The following TPTE variants were observed in gnomAD, a reference collection of about 807,000 sequenced individuals.
TPTE encodes the protein transmembrane phosphatase with tensin homology.
A neutral mutation model predicts 84.1 loss-of-function variants in TPTE; 59 were observed. The ratio of observed to expected loss-of-function variants is 0.70; its 90% CI spans 0.57 to 0.87. TPTE has a LOEUF of 0.87. TPTE is among the 40% of genes least tolerant of loss of function. The pLI is 0.00. For missense variants in TPTE, 382 were observed against 659.6 expected, an observed-to-expected ratio of 0.58 and a Z score of 4.61; for synonymous variants, 130 against 223.5, an observed-to-expected ratio of 0.58 and a Z score of 3.73.
At chr21:10,527,742 G>A (rs1307601604) in intron 3 of TPTE, among the ~76,000 whole-genome samples, 4 of 152,308 alleles carry the variant, frequency 2.6e-5, no homozygotes, top group Non-Finnish European at 4.4e-5. Context: ...AAGGAGCTAA[G>A]AGACCCTGTA....
rs1051069178 is a variant in TPTE at position 10,557,332 on chromosome 21, CTT to C, written c.234-2156_234-2155del. 7.2e-5 allele frequency among the ~76,000 whole-genome samples: 11 copies of C among 152,402 alleles called. No individual in the cohort carries two copies. In the East Asian group the frequency reaches 2.1e-3, roughly 29 times the overall value. On this transcript the variant is annotated intron_variant, in intron 8 of 23. Coordinates refer to ENST00000618007, the MANE Select transcript of TPTE (RefSeq NM_199261.4). ...CTTGAAGCTTCATTTACATAGTACT[CTT>C]TTTTTAAGCAAAAAAGTCTCAATTG...
intron 1 of TPTE, 143 bp downstream of exon 1, chr21:10,521,837 G>T (rs1210400321): frequency 1.3e-5 from 2 of 152,484 alleles, no homozygotes; most frequent in East Asian, 1.9e-4. Context: ...CGTGTCTTTT[G>T]GGGGGCCGGG....
intron 23 of TPTE, 140 bp downstream of exon 23, chr21:10,603,772 C>G: frequency 9.3e-7 from 1 of 1,074,928 alleles, no homozygotes. Context: ...TGTTCCTTGC[C>G]TTACTCTTCT....
At chr21:10,534,964 A>G (rs2074242119) in intron 3 of TPTE, among the ~76,000 whole-genome samples, 1 of 152,308 alleles carries the variant, frequency 6.6e-6, no homozygotes, top group Non-Finnish European at 1.5e-5. Flanking sequence ...CAAGTGGCTT[A>G]AACAAAAATT....
chr21:10,560,182 T>C (rs1356844937), intron 9 of TPTE, among the ~76,000 whole-genome samples: 1 of 152,298 alleles, frequency 6.6e-6, no homozygotes, highest in African/African-American at 2.4e-5. Flanking sequence ...AAATCAAATG[T>C]TAAAATTCTA....
At chr21:10,585,796 C>T (rs931835990) in intron 17 of TPTE, among the ~76,000 whole-genome samples, 2 of 152,304 alleles carry the variant, frequency 1.3e-5, no homozygotes, top group African/African-American at 2.4e-5. Context: ...AATTTTATTT[C>T]TTTTGCCCAT....
intron 7 of TPTE, among the ~76,000 whole-genome samples, chr21:10,545,648 A>G (rs1346505644): frequency 2.0e-5 from 3 of 152,256 alleles, no homozygotes; most frequent in Admixed American, 6.5e-5. Context: ...ACACACACAC[A>G]CACATATAAC....
In TPTE at chr21:10,560,297, A is replaced by G. The variant is rs12627640; in HGVS notation, c.285-733A>G. ...CTTCTCTACATAAGAGTAAGATTTC[A>G]TACTATGATATAGATTTATACGATA... On this transcript the variant is annotated intron_variant, in intron 9 of 23. Coordinates refer to ENST00000618007, the MANE Select transcript of TPTE (RefSeq NM_199261.4). 6.9e-3 allele frequency among the ~76,000 whole-genome samples: 1,052 copies of G among 152,006 alleles called. No individual in the cohort carries two copies. In the East Asian group the frequency reaches 0.088, roughly 13 times the overall value.
At chr21:10,592,962 C>A (rs1314846177) in intron 19 of TPTE, among the ~76,000 whole-genome samples, 1 of 152,258 alleles carries the variant, frequency 6.6e-6, no homozygotes, top group Non-Finnish European at 1.5e-5. Flanking sequence ...ACCCATAACA[C>A]CTGTATGAAA....
chr21:10,603,520 T>C (rs751301155), intron 22 of TPTE, 42 bp from the exon 23 acceptor site: 16 of 1,563,718 alleles, frequency 1.0e-5, no homozygotes, highest in African/African-American at 4.1e-5. Context: ...AATGATTAGT[T>C]CTTGGTATCA....
At chr21:10,590,129 G>GT (rs2075440231) in intron 17 of TPTE, among the ~76,000 whole-genome samples, 1 of 152,312 alleles carries the variant, frequency 6.6e-6, no homozygotes, top group African/African-American at 2.4e-5. Context: ...TACTAAATGA[G>GT]TTGGGAATTT....
At position 10,552,717 on chromosome 21, in the gene TPTE, G is replaced by GT. The variant is rs2074601215; in HGVS notation, c.233+2dup. The GT allele has an allele frequency of 6.2e-7, 1 of 1,613,226 alleles. No homozygotes were observed. The highest frequency in any genetic ancestry group is 8.5e-7 in the Non-Finnish European group (1 of 1,179,748). On this transcript the variant is annotated splice_donor_variant, in intron 8 of 23. Transcript: ENST00000618007. LOFTEE classifies it high-confidence loss of function. ...ATGCTGAAAATGTTGCTTCATATGAGTAAGTCAGTTTGAAGTTTGAAAGGA... is the reference window on the plus strand; with the variant it reads ...ATGCTGAAAATGTTGCTTCATATGAGTTAAGTCAGTTTGAAGTTTGAAAGGA...
intron 10 of TPTE, among the ~76,000 whole-genome samples, chr21:10,563,336 A>T (rs1338791939): frequency 6.6e-6 from 1 of 152,304 alleles, no homozygotes; most frequent in African/African-American, 2.4e-5. Flanking sequence ...TGGTAATAGT[A>T]GGTATACAGA....
At chr21:10,522,081 G>GC (rs1301947960) in intron 1 of TPTE, among the ~76,000 whole-genome samples, 2 of 151,820 alleles carry the variant, frequency 1.3e-5, no homozygotes, top group African/African-American at 4.8e-5. Flanking sequence ...GCCAGCCGGG[G>GC]CGCCCGCCCG....
At chr21:10,541,906 C>CA (rs2074376997) in intron 5 of TPTE, among the ~76,000 whole-genome samples, 1 of 152,302 alleles carries the variant, frequency 6.6e-6, no homozygotes, top group Non-Finnish European at 1.5e-5. Flanking sequence ...CCTGCCACCA[C>CA]AGAGGCTGGT....
intron 20 of TPTE, 152 bp from the exon 21 acceptor site, chr21:10,597,863 A>G: frequency 1.8e-6 from 2 of 1,120,230 alleles, no homozygotes; most frequent in East Asian, 5.1e-5. Context: ...TGTCTTTCAA[A>G]GACAAAATCC....
intron 21 of TPTE, among the ~76,000 whole-genome samples, chr21:10,600,140 CTTTTT>C (rs71217979): frequency 2.0e-4 from 28 of 142,478 alleles, no homozygotes; most frequent in Non-Finnish European, 3.4e-4. Context: ...TTTTCTTTTT[CTTTTT>C]TTTTTTTTTT....
At chr21:10,581,560 G>T (rs2075271518) in intron 17 of TPTE, among the ~76,000 whole-genome samples, 1 of 152,428 alleles carries the variant, frequency 6.6e-6, no homozygotes, top group African/African-American at 2.4e-5. Flanking sequence ...CTTCTGGTTG[G>T]TTGCTGCTTG....
At chr21:10,541,288 A>G (rs2074365501) in intron 5 of TPTE, 123 bp downstream of exon 5, 6 of 1,345,676 alleles carry the variant, frequency 4.5e-6, no homozygotes, top group South Asian at 1.2e-5. Flanking sequence ...GCTGGCAAAC[A>G]TCGTGAAACC....
Sources: gnomAD v4.1 joint callset for allele counts (sites outside exome capture counted in the v4.1 genomes callset) on GRCh38, gnomAD v4.1.1 for gene constraint, MANE v1.5 for transcripts, NCBI Gene and HGNC (gene_info 2026-07-23, HGNC 2026-07-21) for gene names.